ASCC3: variants seen among roughly 807,000 people sequenced by gnomAD.
ASCC3 encodes activating signal cointegrator 1 complex subunit 3, also known as ASC-1 complex subunit P200.
Under a neutral mutation model 256.3 loss-of-function variants are expected in ASCC3, and 158 were observed. The ratio of observed to expected loss-of-function variants is 0.62; its 90% CI spans 0.54 to 0.70. The LOEUF (loss-of-function observed/expected upper bound fraction) is 0.70, where lower values mean the gene tolerates loss of function less well. ASCC3 is among the 30% of genes least tolerant of loss of function. ASCC3 has a pLI of 0.00. For synonymous variants in ASCC3, 948 were observed against 883.4 expected (o/e 1.07, Z -1.30); for missense variants, 2,259 against 2,626.0 (o/e 0.86, Z 3.05).
intron 4 of ASCC3, among the ~76,000 whole-genome samples, chr6:100,819,177 C>T (rs1582911071): frequency 1.4e-5 from 2 of 138,560 alleles, no homozygotes; most frequent in Admixed American, 1.5e-4. Flanking sequence ...GGCTGGGGGG[C>T]TGGGGGAGGG....
chr6:100,657,281 T>C (rs1018875775), intron 16 of ASCC3, among the ~76,000 whole-genome samples: 1 of 151,460 alleles, frequency 6.6e-6, no homozygotes, highest in African/African-American at 2.4e-5. Context: ...TAAATATATA[T>C]ACTCAGTGTA....
chr6:100,587,010 G>A lies in ASCC3; in HGVS notation c.5550+2624C>T, dbSNP rs569340440. Among the ~76,000 whole-genome samples the A allele has an allele frequency of 3.3e-5, 5 of 152,164 alleles. No individual in the cohort carries two copies. In the South Asian group the frequency reaches 8.3e-4, roughly 25 times the overall value. ...ATCAATGAATGTATCTTAGTAAAAGGAAGCATTAACAATGAATGTTATATG... is the reference window on the plus strand; with the variant it reads ...ATCAATGAATGTATCTTAGTAAAAGAAAGCATTAACAATGAATGTTATATG... On this transcript the variant is annotated intron_variant, in intron 36 of 41. Transcript: ENST00000369162.
chr6:100,538,228 A>G (rs995027919), intron 37 of ASCC3, among the ~76,000 whole-genome samples: 1 of 152,116 alleles, frequency 6.6e-6, no homozygotes, highest in Non-Finnish European at 1.5e-5. Context: ...TGTTTGAGAG[A>G]GGAAAGGAAG....
chr6:100,561,834 TA>T (rs1336307323), intron 36 of ASCC3, among the ~76,000 whole-genome samples: 1 of 152,074 alleles, frequency 6.6e-6, no homozygotes, highest in Non-Finnish European at 1.5e-5. Flanking sequence ...AAAGATGATA[TA>T]AAAGACCTAA....
At chr6:100,701,358 C>G (rs955593340) in intron 13 of ASCC3, among the ~76,000 whole-genome samples, 3 of 152,088 alleles carry the variant, frequency 2.0e-5, no homozygotes, top group African/African-American at 4.8e-5. Flanking sequence ...CCTGCACAAG[C>G]TCTCTCTCTT....
chr6:100,737,514 A>G (rs1780236759), intron 10 of ASCC3, among the ~76,000 whole-genome samples: 1 of 152,140 alleles, frequency 6.6e-6, no homozygotes, highest in African/African-American at 2.4e-5. Flanking sequence ...GTCACTGAGG[A>G]TAGTGGCTTC....
At chr6:100,652,239 TAA>T (rs1432662330) in intron 18 of ASCC3, among the ~76,000 whole-genome samples, 1 of 152,082 alleles carries the variant, frequency 6.6e-6, no homozygotes. Flanking sequence ...TGAACAAATT[TAA>T]AAAGTTACTT....
chr6:100,669,267 A>G (rs1164064244), intron 14 of ASCC3, among the ~76,000 whole-genome samples: 1 of 149,338 alleles, frequency 6.7e-6, no homozygotes, highest in Non-Finnish European at 1.5e-5. Context: ...AATATAAAGT[A>G]TTAATCTTTA....
chr6:100,860,084 T>C (rs1441870288), intron 3 of ASCC3, among the ~76,000 whole-genome samples: 1 of 152,026 alleles, frequency 6.6e-6, no homozygotes, highest in African/African-American at 2.4e-5. Flanking sequence ...CATGAAATAA[T>C]TTAAATTCTT....
intron 15 of ASCC3, 91 bp from the exon 16 acceptor site, chr6:100,662,121 G>A: frequency 2.3e-6 from 3 of 1,297,176 alleles, no homozygotes; most frequent in Non-Finnish European, 3.3e-6. Context: ...AATATGGCAA[G>A]ATCTCAAAAG....
chr6:100,817,922 C>G (rs1352042204), intron 4 of ASCC3, among the ~76,000 whole-genome samples: 2 of 152,124 alleles, frequency 1.3e-5, no homozygotes, highest in Non-Finnish European at 2.9e-5. Flanking sequence ...CAGTATTACT[C>G]TGACACCAAA....
chr6:100,785,979 G>C (rs1382878457), intron 8 of ASCC3, among the ~76,000 whole-genome samples: 1 of 152,096 alleles, frequency 6.6e-6, no homozygotes. Context: ...GAGTCAGAGA[G>C]GCATACCCTC....
chr6:100,797,865 G>A (rs1389378550), intron 8 of ASCC3, among the ~76,000 whole-genome samples: 2 of 152,132 alleles, frequency 1.3e-5, no homozygotes, highest in Admixed American at 6.6e-5. Flanking sequence ...ATAGTATGTA[G>A]TGATAAACTG....
intron 36 of ASCC3, among the ~76,000 whole-genome samples, chr6:100,567,355 T>C (rs1770320211): frequency 6.6e-6 from 1 of 152,166 alleles, no homozygotes; most frequent in African/African-American, 2.4e-5. Context: ...ACTAGAGGCA[T>C]AGGTGTACAT....
intron 30 of ASCC3, among the ~76,000 whole-genome samples, chr6:100,618,636 A>G (rs1284627069): frequency 2.0e-5 from 3 of 152,210 alleles, no homozygotes. Context: ...GCTACTGCTC[A>G]GTGCCTAATA....
chr6:100,747,228 ATAAC>A (rs1780723384), intron 10 of ASCC3, among the ~76,000 whole-genome samples: 1 of 152,124 alleles, frequency 6.6e-6, no homozygotes. Flanking sequence ...ACCAACTAGA[ATAAC>A]TAAAATTACA....
intron 36 of ASCC3, among the ~76,000 whole-genome samples, chr6:100,557,847 T>A (rs1012385901): frequency 2.6e-5 from 4 of 151,980 alleles, no homozygotes; most frequent in Non-Finnish European, 4.4e-5. Context: ...AGTAAAAGAA[T>A]ATAATTGGAT....
chr6:100,855,706 C>T (rs962531777), intron 3 of ASCC3, among the ~76,000 whole-genome samples: 1 of 152,212 alleles, frequency 6.6e-6, no homozygotes, highest in Admixed American at 6.5e-5. Flanking sequence ...TCTGTCATAA[C>T]ATTTAACCCA....
At chr6:100,599,455 G>T (rs1772479117) in intron 34 of ASCC3, among the ~76,000 whole-genome samples, 1 of 152,058 alleles carries the variant, frequency 6.6e-6, no homozygotes, top group Non-Finnish European at 1.5e-5. Context: ...GCAACTCAGG[G>T]TACTTAACTG....
Sources: allele counts gnomAD v4.1 joint callset (sites outside exome capture counted in the v4.1 genomes callset), GRCh38; gene constraint gnomAD v4.1.1; transcripts MANE v1.5; gene names NCBI Gene and HGNC (gene_info 2026-07-23, HGNC 2026-07-21).